Variants in MOGAT1 observed in about 807,000 individuals in gnomAD.
MOGAT1 encodes 2-acylglycerol O-acyltransferase 1.
Under a neutral mutation model 31.4 loss-of-function variants are expected in MOGAT1, and 32 were observed. The observed-to-expected ratio is 1.02, with a 90% CI of 0.77 to 1.37. MOGAT1 has a LOEUF of 1.37. Among genes scored for constraint, MOGAT1 ranks in the 40% most tolerant of loss-of-function variants. The pLI is 0.00. For synonymous variants in MOGAT1, 145 were observed against 144.5 expected, an observed-to-expected ratio of 1.00 and a Z score of -0.03; for missense variants, 426 against 402.0, an observed-to-expected ratio of 1.06 and a Z score of -0.51.
intron 2 of MOGAT1, 64 bp downstream of exon 2, chr2:222,688,586 T>C (rs1692711441): frequency 2.5e-6 from 3 of 1,178,636 alleles, no homozygotes; most frequent in South Asian, 1.5e-5. Context: ...TTTGTTTTCA[T>C]CACATATATC....
At chr2:222,677,817 T>G in intron 1 of MOGAT1, 1 of 276,014 alleles carries the variant, frequency 3.6e-6, no homozygotes, top group Admixed American at 4.2e-5. Context: ...TAATCTTTGC[T>G]AATGCCTTCT....
chr2:222,684,897 AT>A (rs1692640000), intron 1 of MOGAT1, among the ~76,000 whole-genome samples: 2 of 152,088 alleles, frequency 1.3e-5, no homozygotes, highest in South Asian at 4.1e-4. Context: ...TTATTATCTT[AT>A]GGAAGTAAAT....
chr2:222,688,475 A>C lies in MOGAT1; in HGVS notation c.226A>C (p.Lys76Gln). ...AGGAGGCAGGAGATCCAGCTGGATC[A>C]AAAATTGGACTCTTTGGAAACACTT... ...ERGGRRSSWI[K>Q]NWTLWKHFKD... Residue 76 changes from lysine (K) to glutamine (Q), a missense_variant, in exon 2 of 6, where the codon AAA (lysine) becomes CAA (glutamine). Lys to Gln is a moderately conservative substitution (Grantham distance 53). Coordinates refer to ENST00000446656, the MANE Select transcript of MOGAT1 (RefSeq NM_058165.3). 1 of 1,613,576 alleles carries C rather than the reference A, an allele frequency of 6.2e-7. No homozygotes were observed. The highest frequency in any genetic ancestry group is 8.5e-7 in the Non-Finnish European group (1 of 1,179,726).
chr2:222,673,307 C>T (rs1175406968), intron 1 of MOGAT1, among the ~76,000 whole-genome samples: 5 of 129,762 alleles, frequency 3.9e-5, no homozygotes, highest in Non-Finnish European at 7.8e-5. Flanking sequence ...GAGTGACTCT[C>T]CTGTGCTGCT....
At chr2:222,701,298 A>G (rs1423047532) in intron 5 of MOGAT1, among the ~76,000 whole-genome samples, 7 of 93,158 alleles carry the variant, frequency 7.5e-5, no homozygotes, top group Non-Finnish European at 1.1e-4. Flanking sequence ...GAGGAGGAGG[A>G]GGAGAGAGAG....
intron 1 of MOGAT1, among the ~76,000 whole-genome samples, chr2:222,682,908 CA>C (rs1692605205): frequency 6.6e-6 from 1 of 152,122 alleles, no homozygotes; most frequent in Non-Finnish European, 1.5e-5. Flanking sequence ...GGTAAATCCA[CA>C]GAAACAGAAT....
chr2:222,690,997 T>G (rs1325111743), intron 3 of MOGAT1, among the ~76,000 whole-genome samples: 1 of 152,072 alleles, frequency 6.6e-6, no homozygotes, highest in Non-Finnish European at 1.5e-5. Flanking sequence ...TGAGTTTGAG[T>G]CGTATAGTTA....
At position 222,689,303 on chromosome 2, in the gene MOGAT1, T is replaced by C. The variant is rs1319547143; in HGVS notation, c.312T>C (p.Tyr104=). 1.2e-6 allele frequency: 2 copies of C among 1,614,008 alleles called. No homozygotes were observed. Among genetic ancestry groups the C allele is most frequent in the Non-Finnish European group, 1.7e-6 (2 of 1,179,868 alleles). ...AAGATTTGGATCCAAGTCACAACTA[T>C]ATATTTGGGTTTCACCCCCATGGAA... ...KTQDLDPSHN[Y]IFGFHPHGIM... Residue 104 remains tyrosine (Y), a synonymous_variant, in exon 3 of 6, where the codon TAT becomes TAC. Coordinates refer to ENST00000446656, the MANE Select transcript of MOGAT1 (RefSeq NM_058165.3).
chr2:222,691,398 G>A (rs1559231321), intron 3 of MOGAT1, among the ~76,000 whole-genome samples: 1 of 151,450 alleles, frequency 6.6e-6, no homozygotes, highest in African/African-American at 2.4e-5. Flanking sequence ...TAGTAGAAAC[G>A]GGGTTTCACC....
intron 1 of MOGAT1, among the ~76,000 whole-genome samples, chr2:222,679,380 C>T (rs898977367): frequency 1.3e-5 from 2 of 152,094 alleles, no homozygotes; most frequent in African/African-American, 2.4e-5. Context: ...TATTCCACGT[C>T]CTTATCAGTT....
chr2:222,675,163 G>A (rs543689117), intron 1 of MOGAT1, among the ~76,000 whole-genome samples: 90 of 152,234 alleles, frequency 5.9e-4, no homozygotes, highest in Non-Finnish European at 8.7e-4. Flanking sequence ...TCTTTGCAGG[G>A]TTAACTTGTT....
chr2:222,709,637 T>A (rs1693082047), intron 5 of MOGAT1, 99 bp from the exon 6 acceptor site: 1 of 1,092,034 alleles, frequency 9.2e-7, no homozygotes, highest in Non-Finnish European at 1.3e-6. Context: ...GCTGGAGGGA[T>A]TCTGATTGGC....
chr2:222,675,310 G>C (rs77565587), intron 1 of MOGAT1, among the ~76,000 whole-genome samples: 4,661 of 152,252 alleles, frequency 0.031, 232 homozygotes, highest in African/African-American at 0.11. Context: ...AGGATGCACA[G>C]AGTGTCTGCT....
rs1054071724 is a variant in MOGAT1 at position 222,692,805 on chromosome 2, C to T, written c.479-1557C>T. ...TGAAGACAAGGAGCCTGAGGGAAAA[C>T]GGAGGAGTGGCCAGAGGCAAGCTAG... On this transcript the variant is annotated intron_variant, in intron 3 of 5. Coordinates refer to ENST00000446656, the MANE Select transcript of MOGAT1 (RefSeq NM_058165.3). Among the ~76,000 whole-genome samples, 8 of 152,096 alleles carry T rather than the reference C, an allele frequency of 5.3e-5. No homozygotes were observed. The East Asian group carries it at 5.8e-4, about 11-fold the overall frequency.
rs773699682 is a variant in MOGAT1 at position 222,689,383 on chromosome 2, A to G, written c.392A>G (p.Asp131Gly). 1 of 1,613,992 alleles carries G rather than the reference A, an allele frequency of 6.2e-7. No individual in the cohort carries two copies. ...TCTGTAAATTATTCTGACTTCAAGG[A>G]CCTGTTTCCTGGCTTTACTTCATAT... ...NFSVNYSDFK[D>G]LFPGFTSYLH... The change falls in exon 3 of 6, where the codon GAC becomes GGC. Residue 131 changes from aspartate (D) to glycine (G), a missense_variant. Transcript: ENST00000446656.
chr2:222,691,847 G>A (rs1186435699), intron 3 of MOGAT1, among the ~76,000 whole-genome samples: 3 of 152,156 alleles, frequency 2.0e-5, no homozygotes, highest in Non-Finnish European at 2.9e-5. Context: ...TTCTGCATCT[G>A]TAAGTCCTTT....
chr2:222,702,529 G>A (rs984280837), intron 5 of MOGAT1, among the ~76,000 whole-genome samples: 2 of 152,056 alleles, frequency 1.3e-5, no homozygotes, highest in Admixed American at 6.5e-5. Flanking sequence ...ATATACACAC[G>A]TGTGCACACG....
intron 5 of MOGAT1, among the ~76,000 whole-genome samples, chr2:222,702,653 T>A (rs972953216): frequency 3.9e-5 from 6 of 152,036 alleles, no homozygotes; most frequent in African/African-American, 1.4e-4. Flanking sequence ...AGGGAATGCA[T>A]TTTATTTAAA....
At position 222,679,480 on chromosome 2, in the gene MOGAT1, CT is replaced by C. The variant is rs1455136003; in HGVS notation, c.94+7603del. Among the ~76,000 whole-genome samples the C allele has an allele frequency of 2.0e-5, 3 of 152,308 alleles. No homozygotes were observed. In the East Asian group the frequency reaches 5.8e-4, roughly 29 times the overall value. On this transcript the variant is annotated intron_variant, in intron 1 of 5. Transcript: ENST00000446656. ...GGGATTGCTGTTTGATTGGAATTAG[CT>C]TATAGTTTAATTTGTAGAAAACTAA...
Sources: allele counts gnomAD v4.1 joint callset (sites outside exome capture counted in the v4.1 genomes callset), GRCh38; gene constraint gnomAD v4.1.1; transcripts MANE v1.5; gene names NCBI Gene and HGNC (gene_info 2026-07-23, HGNC 2026-07-21).